Variants in RNF13 observed in about 807,000 individuals in gnomAD.
RNF13 encodes the protein ring finger protein 13, also known as E3 ubiquitin-protein ligase RNF13.
Under a neutral mutation model 37.7 loss-of-function variants are expected in RNF13, and 19 were observed. That is an observed-to-expected ratio of 0.50 (90% CI 0.35 to 0.74). The LOEUF is 0.74. RNF13 is among the 30% of genes least tolerant of loss of function. The probability of loss-of-function intolerance (pLI) is 0.01; values close to 1 mark genes in which losing one functional copy is unlikely to be tolerated. For missense variants in RNF13, 375 were observed against 453.0 expected (o/e 0.83, Z 1.56); for synonymous variants, 144 against 157.8 (o/e 0.91, Z 0.65).
At chr3:149,833,642 A>AG (rs1426007120) in intron 1 of RNF13, among the ~76,000 whole-genome samples, 1 of 152,234 alleles carries the variant, frequency 6.6e-6, no homozygotes, top group Non-Finnish European at 1.5e-5. Context: ...TGTGTAAAAA[A>AG]CCGACAACTA....
At chr3:149,835,053 A>G (rs1721454003) in intron 1 of RNF13, among the ~76,000 whole-genome samples, 1 of 152,214 alleles carries the variant, frequency 6.6e-6, no homozygotes, top group Non-Finnish European at 1.5e-5. Flanking sequence ...CATAAGAGCT[A>G]CTATGTAAAA....
At chr3:149,948,219 CATTA>C (rs1720966498) in intron 8 of RNF13, among the ~76,000 whole-genome samples, 5 of 151,960 alleles carry the variant, frequency 3.3e-5, no homozygotes, top group African/African-American at 1.2e-4. Flanking sequence ...AAAGTGCTGG[CATTA>C]CAGGTGTGAG....
chr3:149,853,042 A>G (rs1723258405), intron 3 of RNF13, among the ~76,000 whole-genome samples: 1 of 152,054 alleles, frequency 6.6e-6, no homozygotes, highest in Non-Finnish European at 1.5e-5. Context: ...CTGATAGGTA[A>G]GGATTTACAT....
chr3:149,923,764 CAAAAAAA>C (rs375634287), intron 8 of RNF13, among the ~76,000 whole-genome samples: 70 of 55,016 alleles, frequency 1.3e-3, no homozygotes, highest in African/African-American at 4.4e-3. Context: ...GACTCCATCT[CAAAAAAA>C]AAAAAAAAAA....
chr3:149,875,811 CTG>C (rs894677545), intron 4 of RNF13, among the ~76,000 whole-genome samples: 1 of 15,126 alleles, frequency 6.6e-5, no homozygotes, highest in African/African-American at 3.6e-4. Flanking sequence ...TTTACAAAAA[CTG>C]TATCCTCTGA....
At chr3:149,888,797 G>T (rs1199401162) in intron 4 of RNF13, among the ~76,000 whole-genome samples, 1 of 152,084 alleles carries the variant, frequency 6.6e-6, no homozygotes, top group African/African-American at 2.4e-5. Context: ...CTGCTTATTT[G>T]CAACATCTCT....
chr3:149,849,097 C>G (rs1722907707), intron 2 of RNF13, among the ~76,000 whole-genome samples: 1 of 151,930 alleles, frequency 6.6e-6, no homozygotes, highest in African/African-American at 2.4e-5. Context: ...TTCTTTTACC[C>G]AAAAAGAAAC....
At chr3:149,903,947 C>G (rs1401295733) in intron 6 of RNF13, among the ~76,000 whole-genome samples, 4 of 146,930 alleles carry the variant, frequency 2.7e-5, no homozygotes, top group Non-Finnish European at 5.9e-5. Flanking sequence ...ATCTGTCTGT[C>G]TGTCTGTCTG....
Position 149,959,726 on chromosome 3 carries a change from A to G in RNF13, c.701-330A>G, listed in dbSNP as rs186939327. On this transcript the variant is annotated intron_variant, in intron 8 of 9. Transcript: ENST00000392894. ...TTTATTTAAAAAATGACTCAGTTTG[A>G]ACATTTTAGTAGTGAAATTTTATCT... Among the ~76,000 whole-genome samples, 4 of 152,338 alleles carry G rather than the reference A, an allele frequency of 2.6e-5. No homozygotes were observed. In the East Asian group the frequency reaches 7.7e-4, roughly 29 times the overall value.
At chr3:149,864,008 ATTTTTTTTTTTTTTTT>A (rs535062004) in intron 3 of RNF13, among the ~76,000 whole-genome samples, 8 of 29,654 alleles carry the variant, frequency 2.7e-4, no homozygotes, top group Admixed American at 1.0e-3. Flanking sequence ...TTTGATTGGA[ATTTTTTTTTTTTTTTT>A]TTTTTTTTTT....
intron 3 of RNF13, among the ~76,000 whole-genome samples, chr3:149,854,442 C>CT (rs1161246065): frequency 1.3e-5 from 2 of 152,004 alleles, no homozygotes; most frequent in Non-Finnish European, 2.9e-5. Context: ...TGTTCATAAA[C>CT]TTATGAACAT....
At chr3:149,880,875 T>C (rs1357054787) in intron 4 of RNF13, among the ~76,000 whole-genome samples, 2 of 152,110 alleles carry the variant, frequency 1.3e-5, no homozygotes, top group Non-Finnish European at 2.9e-5. Context: ...TTAAAAACTA[T>C]CTATATGAGT....
At chr3:149,851,896 AG>A (rs756314197) in intron 2 of RNF13, among the ~76,000 whole-genome samples, 2 of 152,162 alleles carry the variant, frequency 1.3e-5, no homozygotes, top group Non-Finnish European at 2.9e-5. Flanking sequence ...GTTTTGGTAA[AG>A]GACTAATAAA....
intron 7 of RNF13, among the ~76,000 whole-genome samples, chr3:149,915,782 TG>T (rs1717445325): frequency 6.6e-6 from 1 of 152,180 alleles, no homozygotes. Context: ...ACGAGGTACC[TG>T]GAGTAGCCAA....
intron 1 of RNF13, among the ~76,000 whole-genome samples, chr3:149,831,651 T>G (rs1008507048): frequency 6.6e-5 from 10 of 152,218 alleles, no homozygotes; most frequent in Middle Eastern, 3.2e-3. Flanking sequence ...TGTGGACTTT[T>G]GAGTTAATGC....
At chr3:149,927,810 G>T (rs1270505905) in intron 8 of RNF13, among the ~76,000 whole-genome samples, 1 of 151,894 alleles carries the variant, frequency 6.6e-6, no homozygotes, top group Non-Finnish European at 1.5e-5. Context: ...CAATTGGGTG[G>T]TTTATCATTT....
chr3:149,843,819 G>A (rs1722393291), intron 1 of RNF13, among the ~76,000 whole-genome samples: 1 of 152,216 alleles, frequency 6.6e-6, no homozygotes, highest in African/African-American at 2.4e-5. Context: ...TTGCTTAACA[G>A]TTCTTAAGTC....
rs1400786437 is a variant in RNF13, at chr3:149,895,484, A to G, written c.333A>G (p.Ala111=). The G allele has an allele frequency of 3.2e-6, 5 of 1,585,452 alleles. No individual in the cohort carries two copies. The South Asian group carries it at 4.7e-5, about 15-fold the overall frequency. The change falls in exon 5 of 10, where the codon GCA becomes GCG. Residue 111 remains alanine (A), a synonymous_variant. Transcript: ENST00000392894. ...DCNFDIKVLN[A]QRAGYKAAIV... is the part of the protein sequence containing the mutation. ...TTTTTGCTTTGCAGGTTTTAAATGC[A>G]CAGAGAGCAGGATACAAGGCAGCCA... is the stretch of plus-strand genomic sequence containing the variant.
At chr3:149,952,692 C>T (rs560993595) in intron 8 of RNF13, among the ~76,000 whole-genome samples, 15 of 152,112 alleles carry the variant, frequency 9.9e-5, no homozygotes, top group South Asian at 6.2e-4. Flanking sequence ...CTCTGCCTCC[C>T]GGGTTCAAGC....
Sources: gnomAD v4.1 joint callset for allele counts (sites outside exome capture counted in the v4.1 genomes callset) on GRCh38, gnomAD v4.1.1 for gene constraint, MANE v1.5 for transcripts, NCBI Gene and HGNC (gene_info 2026-07-23, HGNC 2026-07-21) for gene names.